The following RANBP17 variants were observed in gnomAD, a reference collection of about 807,000 sequenced individuals.
RANBP17 encodes the protein RAN binding protein 17, also known as ran-binding protein 17.
Under a neutral mutation model 141.2 loss-of-function variants are expected in RANBP17, and 158 were observed. The ratio of observed to expected loss-of-function variants is 1.12; its 90% CI spans 0.98 to 1.28. The LOEUF (loss-of-function observed/expected upper bound fraction) is 1.28. Among genes scored for constraint, RANBP17 ranks in the 50% most tolerant of loss-of-function variants. RANBP17 has a pLI of 0.00. For synonymous variants in RANBP17, 430 were observed against 450.0 expected (o/e 0.96, Z 0.56); for missense variants, 1,438 against 1,290.7 (o/e 1.11, Z -1.75).
chr5:171,020,375 T>A (rs1338523854), intron 14 of RANBP17, among the ~76,000 whole-genome samples: 1 of 152,164 alleles, frequency 6.6e-6, no homozygotes, highest in Non-Finnish European at 1.5e-5. Flanking sequence ...GGTGTTAAAG[T>A]CTCCCATTAT....
At position 171,188,982 on chromosome 5, in the gene RANBP17, T is replaced by G. The variant is rs182987365; in HGVS notation, c.2038+5552T>G. ...ACATATAATTTGAATAATTGGATTTTATTAGTTTACCCAGGATTCTATTCC... is the reference window on the plus strand; with the variant it reads ...ACATATAATTTGAATAATTGGATTTGATTAGTTTACCCAGGATTCTATTCC... On this transcript the variant is annotated intron_variant, in intron 18 of 27. Coordinates refer to ENST00000523189, the MANE Select transcript of RANBP17 (RefSeq NM_022897.5). Among the ~76,000 whole-genome samples, 6 of 152,366 alleles carry G rather than the reference T, an allele frequency of 3.9e-5. No homozygotes were observed. In the East Asian group the frequency reaches 9.6e-4, roughly 24 times the overall value.
intron 25 of RANBP17, among the ~76,000 whole-genome samples, chr5:171,272,667 T>A (rs1767197460): frequency 6.6e-6 from 1 of 152,208 alleles, no homozygotes; most frequent in Non-Finnish European, 1.5e-5. Flanking sequence ...ATCTAAAGTA[T>A]GTATGTTTTG....
intron 14 of RANBP17, chr5:170,983,293 T>G (rs1392413421): frequency 3.9e-6 from 1 of 257,620 alleles, no homozygotes; most frequent in Non-Finnish European, 7.5e-6. Context: ...ACTGATAGAT[T>G]ACTTGCTGTC....
At chr5:170,986,565 T>C (rs1276605104) in intron 14 of RANBP17, among the ~76,000 whole-genome samples, 1 of 151,850 alleles carries the variant, frequency 6.6e-6, no homozygotes, top group Non-Finnish European at 1.5e-5. Flanking sequence ...CATAAACATA[T>C]ATATATATAT....
At chr5:171,062,735 G>T (rs1243024878) in intron 14 of RANBP17, among the ~76,000 whole-genome samples, 2 of 152,132 alleles carry the variant, frequency 1.3e-5, no homozygotes, top group Non-Finnish European at 2.9e-5. Flanking sequence ...AGTTCTCCTG[G>T]ATAATATCCT....
At chr5:171,134,556 A>C (rs1278943248) in intron 14 of RANBP17, among the ~76,000 whole-genome samples, 2 of 152,178 alleles carry the variant, frequency 1.3e-5, no homozygotes, top group Non-Finnish European at 2.9e-5. Flanking sequence ...TAACCCAAAC[A>C]TTTTTCCCTA....
chr5:171,141,546 G>A (rs1757696852), intron 14 of RANBP17, among the ~76,000 whole-genome samples: 1 of 140,102 alleles, frequency 7.1e-6, no homozygotes, highest in African/African-American at 2.6e-5. Flanking sequence ...GGTGGAGTTT[G>A]CAGTGAGCCG....
intron 16 of RANBP17, among the ~76,000 whole-genome samples, chr5:171,178,894 T>C (rs929666026): frequency 2.6e-5 from 4 of 152,234 alleles, no homozygotes; most frequent in African/African-American, 9.6e-5. Flanking sequence ...TAAATTTGTT[T>C]AAGTTCCTTG....
intron 1 of RANBP17, among the ~76,000 whole-genome samples, chr5:170,871,820 G>A (rs1244034550): frequency 6.6e-6 from 1 of 152,184 alleles, no homozygotes; most frequent in Non-Finnish European, 1.5e-5. Flanking sequence ...TCGAAGATCA[G>A]ATGGTTGTAG....
chr5:170,918,416 A>ACACACACACACC, intron 9 of RANBP17: 1 of 220,072 alleles, frequency 4.5e-6, no homozygotes, highest in Non-Finnish European at 8.9e-6. Context: ...ACACACACAC[A>ACACACACACACC]CACACACACA....
intron 22 of RANBP17, among the ~76,000 whole-genome samples, chr5:171,235,562 G>A: frequency 6.6e-6 from 1 of 151,932 alleles, no homozygotes; most frequent in East Asian, 1.9e-4. Context: ...ATAAATGGTA[G>A]GGAATATTAG....
At chr5:171,051,353 G>C (rs1271342972) in intron 14 of RANBP17, among the ~76,000 whole-genome samples, 1 of 152,070 alleles carries the variant, frequency 6.6e-6, no homozygotes, top group African/African-American at 2.4e-5. Context: ...CACCACTCCA[G>C]AGAAATACTT....
At chr5:170,995,313 G>A (rs1778747725) in intron 14 of RANBP17, among the ~76,000 whole-genome samples, 1 of 152,062 alleles carries the variant, frequency 6.6e-6, no homozygotes, top group African/African-American at 2.4e-5. Flanking sequence ...TATTTTCTAT[G>A]TATTAGGTTA....
chr5:170,923,031 A>AT lies in RANBP17; in HGVS notation c.1275-1320dup, dbSNP rs537858007. ...AAATTTTGACTAAGTCCAATGCTTTATTTTTTCTTTTATGTATTATGTTTT... is the reference window on the plus strand; with the variant it reads ...AAATTTTGACTAAGTCCAATGCTTTATTTTTTTCTTTTATGTATTATGTTTT... On this transcript the variant is annotated intron_variant, in intron 11 of 27. Coordinates refer to ENST00000523189, the MANE Select transcript of RANBP17 (RefSeq NM_022897.5). Among the ~76,000 whole-genome samples, 18 of 152,024 alleles carry AT rather than the reference A, an allele frequency of 1.2e-4. No homozygotes were observed. The South Asian group carries it at 3.5e-3, about 30-fold the overall frequency.
At chr5:170,910,886 C>A in intron 6 of RANBP17, 83 bp from the exon 7 acceptor site, 1 of 1,320,660 alleles carries the variant, frequency 7.6e-7, no homozygotes, top group Non-Finnish European at 1.1e-6. Flanking sequence ...TTTCATTTGA[C>A]ATTGAAAAAT....
rs376210306 is a variant in RANBP17, at chr5:171,049,358, C to A, written c.1710+80981C>A. ...AATTTGTTTAAGTTCCTTATAGATGCTGGATATTAGACCTTTGTTGGATGC... is the reference window on the plus strand; with the variant it reads ...AATTTGTTTAAGTTCCTTATAGATGATGGATATTAGACCTTTGTTGGATGC... On this transcript the variant is annotated intron_variant, in intron 14 of 27. Transcript: ENST00000523189. 2.6e-5 allele frequency among the ~76,000 whole-genome samples: 4 copies of A among 152,274 alleles called. No homozygotes were observed. The East Asian group carries it at 7.7e-4, about 29-fold the overall frequency.
At chr5:171,035,514 T>A (rs544714651) in intron 14 of RANBP17, among the ~76,000 whole-genome samples, 2 of 151,512 alleles carry the variant, frequency 1.3e-5, no homozygotes, top group Non-Finnish European at 2.9e-5. Flanking sequence ...CCCGATCATG[T>A]ATCTTTTGTG....
chr5:171,054,240 A>T (rs1252470587), intron 14 of RANBP17, among the ~76,000 whole-genome samples: 1 of 152,112 alleles, frequency 6.6e-6, no homozygotes, highest in Non-Finnish European at 1.5e-5. Flanking sequence ...AAGTGAAAGC[A>T]AGTTTATTAA....
At chr5:171,056,643 A>G (rs951543534) in intron 14 of RANBP17, among the ~76,000 whole-genome samples, 3 of 152,162 alleles carry the variant, frequency 2.0e-5, no homozygotes, top group African/African-American at 4.8e-5. Context: ...GATAAGCCCT[A>G]TATGTCACTT....
Sources: allele counts gnomAD v4.1 joint callset (sites outside exome capture counted in the v4.1 genomes callset), GRCh38; gene constraint gnomAD v4.1.1; transcripts MANE v1.5; gene names NCBI Gene and HGNC (gene_info 2026-07-23, HGNC 2026-07-21).